SPATA13: variants seen among roughly 807,000 people sequenced by gnomAD.
The protein encoded by SPATA13 is spermatogenesis-associated protein 13.
A neutral mutation model predicts 104.0 loss-of-function variants in SPATA13; 50 were observed. The observed-to-expected ratio is 0.48, with a 90% CI of 0.38 to 0.61. The LOEUF is 0.61. Ranked by LOEUF, SPATA13 falls within the 20% of genes least tolerant of loss-of-function variation. The pLI is 0.00. For synonymous variants in SPATA13, 606 were observed against 667.5 expected (o/e 0.91, Z 1.42); for missense variants, 1,524 against 1,690.6 (o/e 0.90, Z 1.73).
At chr13:24,057,100 CTTTAAG>C (rs1437361597) in intron 3 of SPATA13, among the ~76,000 whole-genome samples, 1 of 144,158 alleles carries the variant, frequency 6.9e-6, no homozygotes, top group Non-Finnish European at 1.5e-5. Context: ...TATTATTACA[CTTTAAG>C]TTTTAGGGTA....
At chr13:24,142,830 C>A (rs1400540214) in intron 3 of SPATA13, among the ~76,000 whole-genome samples, 1 of 152,130 alleles carries the variant, frequency 6.6e-6, no homozygotes, top group Non-Finnish European at 1.5e-5. Flanking sequence ...ATTCATGGGC[C>A]AGGATTCCCT....
chr13:24,107,840 G>T (rs1880503969), intron 3 of SPATA13, among the ~76,000 whole-genome samples: 1 of 152,220 alleles, frequency 6.6e-6, no homozygotes, highest in South Asian at 2.1e-4. Flanking sequence ...GTTAAATCTA[G>T]GTGGTAATTT....
chr13:24,233,541 T>C (rs1246038383), intron 2 of SPATA13, among the ~76,000 whole-genome samples: 1 of 152,172 alleles, frequency 6.6e-6, no homozygotes, highest in African/African-American at 2.4e-5. Flanking sequence ...ATTCCAGAAA[T>C]ACTAAATCAT....
At chr13:24,189,844 ATATT>A (rs1869470465) in intron 1 of SPATA13, among the ~76,000 whole-genome samples, 4 of 9,134 alleles carry the variant, frequency 4.4e-4, no homozygotes, top group African/African-American at 4.9e-4. Context: ...GATATTTAAT[ATATT>A]ATATTAATAT....
chr13:24,001,295 C>T (rs569631744), intron 2 of SPATA13, among the ~76,000 whole-genome samples: 18 of 152,096 alleles, frequency 1.2e-4, no homozygotes, highest in East Asian at 5.8e-4. Flanking sequence ...GAGGAGGTGA[C>T]GCCTCTGCGC....
chr13:24,252,690 G>A (rs1010537174), intron 4 of SPATA13: 2 of 152,168 alleles, frequency 1.3e-5, no homozygotes, highest in African/African-American at 4.8e-5. Flanking sequence ...TGTTAAAAAT[G>A]TTTTAATTTT....
intron 1 of SPATA13, among the ~76,000 whole-genome samples, chr13:24,202,681 G>T (rs1365863877): frequency 6.6e-6 from 1 of 151,376 alleles, no homozygotes; most frequent in Non-Finnish European, 1.5e-5. Flanking sequence ...AAATACAGAC[G>T]GAAGAGAGTG....
intron 3 of SPATA13, chr13:24,034,862 G>A (rs77473075): frequency 0.13 from 19,799 of 152,220 alleles, 1,794 homozygotes; most frequent in East Asian, 0.51. Flanking sequence ...CTGACAATGG[G>A]CACAGCACCA....
intron 2 of SPATA13, among the ~76,000 whole-genome samples, chr13:24,226,271 C>G (rs1871937169): frequency 6.6e-6 from 1 of 152,184 alleles, no homozygotes; most frequent in South Asian, 2.1e-4. Flanking sequence ...CCGCCCCTTC[C>G]CACCTAGGTA....
chr13:24,249,506 C>G lies in SPATA13; in HGVS notation c.1683C>G (p.Ser561Arg), dbSNP rs1003222929. The change falls in exon 3 of 13, where the codon AGC becomes AGG. Residue 561 changes from serine (S) to arginine (R), a missense_variant. This residue lies in a region of SPATA13 where 1,089 missense variants were observed against 1,135.9 expected (regional missense o/e 0.96). Transcript: ENST00000382108. ...EVVPDGPWRR[S>R]SSQDEERTEA... The stretch of plus-strand genomic sequence containing the variant: ...TCCCTGATGGCCCCTGGAGGCGAAG[C>G]TCATCACAGGATGAGGAAAGGACAG... 27 of 1,592,980 alleles carry G rather than the reference C, an allele frequency of 1.7e-5. No homozygotes were observed. Among genetic ancestry groups the G allele is most frequent in the Non-Finnish European group, 2.2e-5 (26 of 1,169,452 alleles).
In SPATA13 at chr13:24,088,857, C is replaced by T. The variant is rs1593322113; in HGVS notation, c.-112+71156C>T. Among the ~76,000 whole-genome samples the T allele has an allele frequency of 6.6e-6, 1 of 152,322 alleles. No homozygotes were observed. Among genetic ancestry groups the T allele is most frequent in the South Asian group, 2.1e-4 (1 of 4,828 alleles). On this transcript the variant is annotated intron_variant, in intron 3 of 14. Coordinates refer to the SPATA13 transcript ENST00000424834. The surrounding 1 kb of genome is among the most constrained non-coding windows in gnomAD (Gnocchi z 4.3). ...TGCTGGCTGAGGAGTGTCCCCAAGG[C>T]TGGCTCCAGGAAAGCGCAAGCAAGG...
chr13:24,232,059 T>G (rs1003943927), intron 2 of SPATA13, among the ~76,000 whole-genome samples: 4 of 152,172 alleles, frequency 2.6e-5, no homozygotes, highest in African/African-American at 9.7e-5. Context: ...CGAGAACCAA[T>G]AGGATACATA....
intron 2 of SPATA13, among the ~76,000 whole-genome samples, chr13:23,999,387 A>AAAAAAAAAAAC (rs1875846186): frequency 6.8e-6 from 1 of 146,056 alleles, no homozygotes; most frequent in African/African-American, 2.5e-5. Flanking sequence ...AAAAAAAAAA[A>AAAAAAAAAAAC]AAGCCTGTTC....
chr13:24,247,554 A>G (rs1188214526), intron 2 of SPATA13, among the ~76,000 whole-genome samples: 4 of 132,898 alleles, frequency 3.0e-5, no homozygotes, highest in Non-Finnish European at 6.1e-5. Flanking sequence ...ATTTCAGCCC[A>G]CTGCAACTTC....
chr13:24,300,354 C>A, intron 11 of SPATA13, 47 bp from the exon 12 acceptor site: 1 of 1,517,402 alleles, frequency 6.6e-7, no homozygotes, highest in Non-Finnish European at 9.1e-7. Context: ...TGCTCTGAAA[C>A]ATGTCCACGT....
At chr13:24,121,639 C>T (rs576271846) in intron 3 of SPATA13, among the ~76,000 whole-genome samples, 3 of 152,230 alleles carry the variant, frequency 2.0e-5, no homozygotes, top group Admixed American at 6.5e-5. Flanking sequence ...TGGACAAATG[C>T]TCATAGGTGT....
At position 24,223,679 on chromosome 13, in the gene SPATA13, G is replaced by T. The variant is rs749695810; in HGVS notation, c.750G>T (p.Arg250Ser). The T allele has an allele frequency of 1.3e-6, 2 of 1,552,216 alleles. No individual in the cohort carries two copies. The highest frequency in any genetic ancestry group is 2.4e-5 in the South Asian group (2 of 84,064). Residue 250 changes from arginine (R) to serine (S), a missense_variant, in exon 2 of 13, where the codon AGG (arginine) becomes AGT (serine). Arg to Ser is a moderately radical substitution (Grantham distance 110, BLOSUM62 -1). Around this residue, in one of 2 missense-constraint regions of SPATA13, gnomAD observed 1,089 missense variants for 1,135.9 expected, o/e 0.96. Transcript: ENST00000382108. ...CTGAAAACAACAGCATGGGCTACAG[G>T]AGGAGCAAGAGCACGGACAATCTTG... is the stretch of plus-strand genomic sequence containing the variant. ...RDPENNSMGY[R>S]RSKSTDNLAF...
chr13:24,232,169 G>T (rs1262829388), intron 2 of SPATA13, among the ~76,000 whole-genome samples: 1 of 152,236 alleles, frequency 6.6e-6, no homozygotes, highest in Non-Finnish European at 1.5e-5. Context: ...GAGCCTGGAA[G>T]CCTGAGGACA....
intron 3 of SPATA13, among the ~76,000 whole-genome samples, chr13:24,029,140 A>G (rs1457032852): frequency 1.3e-5 from 2 of 152,242 alleles, no homozygotes; most frequent in Non-Finnish European, 2.9e-5. Flanking sequence ...TCCAAGCTGA[A>G]CTTAAACTCC....
Sources: gnomAD v4.1 joint callset for allele counts (sites outside exome capture counted in the v4.1 genomes callset) on GRCh38, gnomAD v4.1.1 for gene constraint, gnomAD v4.1.1 regional missense constraint, Gnocchi (gnomAD v3.1) non-coding constraint, MANE v1.5 for transcripts, NCBI Gene and HGNC (gene_info 2026-07-23, HGNC 2026-07-21) for gene names.